ARHGAP29: variants seen among roughly 807,000 people sequenced by gnomAD.
The protein encoded by ARHGAP29 is rho GTPase-activating protein 29.
A neutral mutation model predicts 122.6 loss-of-function variants in ARHGAP29; 43 were observed. The observed-to-expected ratio is 0.35, with a 90% CI of 0.27 to 0.45. The LOEUF is 0.45. Among genes scored for constraint, ARHGAP29 ranks in the 20% least tolerant of loss-of-function variants. The pLI is 1.00. For missense variants in ARHGAP29, 1,303 were observed against 1,477.2 expected, an observed-to-expected ratio of 0.88 and a Z score of 1.93; for synonymous variants, 506 against 497.1, an observed-to-expected ratio of 1.02 and a Z score of -0.24.
At chr1:94,310,123 T>A in the ARHGAP29 span, among the ~76,000 whole-genome samples, 1 of 152,198 alleles carries the variant, frequency 6.6e-6, no homozygotes. Flanking sequence ...CCTTGCTATT[T>A]AATATCGGTA....
At chr1:94,185,278 T>C (rs1649724018) in intron 17 of ARHGAP29, 64 bp downstream of exon 17, 3 of 1,484,430 alleles carry the variant, frequency 2.0e-6, no homozygotes, top group Admixed American at 5.1e-5. Context: ...AAAGTAAAAT[T>C]AAAAACAAAA....
chr1:94,221,911 G>A (rs911951696), intron 2 of ARHGAP29, among the ~76,000 whole-genome samples: 1 of 151,286 alleles, frequency 6.6e-6, no homozygotes, highest in Admixed American at 6.6e-5. Context: ...TTCCTGGACT[G>A]GGGCAGAAAT....
intron 1 of ARHGAP29, among the ~76,000 whole-genome samples, chr1:94,233,592 G>T (rs1353969796): frequency 6.6e-6 from 1 of 152,034 alleles, no homozygotes; most frequent in African/African-American, 2.4e-5. Context: ...GCTCTACAAG[G>T]CTCAACATGA....
At chr1:94,291,179 T>G in the ARHGAP29 span, among the ~76,000 whole-genome samples, 1 of 152,256 alleles carries the variant, frequency 6.6e-6, no homozygotes, top group African/African-American at 2.4e-5. Flanking sequence ...GTAATGGCCT[T>G]CTTTGTCTCT....
intron 12 of ARHGAP29, chr1:94,192,369 A>T (rs1650178397): frequency 6.6e-6 from 1 of 152,300 alleles, no homozygotes; most frequent in Non-Finnish European, 1.5e-5. Context: ...TCCAATTCCC[A>T]AAGTACAAAC....
chr1:94,215,413 T>C (rs957434881), intron 3 of ARHGAP29, among the ~76,000 whole-genome samples: 4 of 151,782 alleles, frequency 2.6e-5, no homozygotes, highest in African/African-American at 9.7e-5. Context: ...AAGCTATCCC[T>C]ACCAGATACT....
intron 1 of ARHGAP29, among the ~76,000 whole-genome samples, chr1:94,263,231 A>G (rs560154474): frequency 1.3e-5 from 2 of 152,074 alleles, no homozygotes; most frequent in Non-Finnish European, 2.9e-5. Flanking sequence ...CAACAGACAC[A>G]GGAGCCTATT....
intron 1 of ARHGAP29, among the ~76,000 whole-genome samples, chr1:94,257,348 G>A (rs1352494999): frequency 6.6e-6 from 1 of 151,920 alleles, no homozygotes; most frequent in African/African-American, 2.4e-5. Context: ...GTTGCAGTGA[G>A]CCGAGATCAG....
chr1:94,287,736 G>A, the ARHGAP29 span, among the ~76,000 whole-genome samples: 68 of 152,056 alleles, frequency 4.5e-4, no homozygotes, highest in Non-Finnish European at 7.5e-4. Context: ...CCACTTATGC[G>A]TGAGAACATG....
chr1:94,218,434 A>G (rs950694201), intron 3 of ARHGAP29, among the ~76,000 whole-genome samples: 1 of 152,232 alleles, frequency 6.6e-6, no homozygotes, highest in Non-Finnish European at 1.5e-5. Flanking sequence ...AAGGTATCTG[A>G]GAGAGCACTC....
chr1:94,199,090 G>A (rs1030737175), intron 12 of ARHGAP29, among the ~76,000 whole-genome samples: 1 of 152,094 alleles, frequency 6.6e-6, no homozygotes, highest in Non-Finnish European at 1.5e-5. Flanking sequence ...GGGGCCTGTC[G>A]GGGGGCTGGG....
chr1:94,185,436 G>A lies in ARHGAP29; in HGVS notation c.1826C>T (p.Ala609Val). 1 of 1,612,250 alleles carries A rather than the reference G, an allele frequency of 6.2e-7. No homozygotes were observed. The highest frequency in any genetic ancestry group is 8.5e-7 in the Non-Finnish European group (1 of 1,179,296). ...GTFKKTLMSK[A>V]ALTHKFRKLR... ...TTTGCGAAACTTGTGTGTGAGAGCT[G>A]CCTTTGACATCAATGTTTTCTTAAA... Residue 609 changes from alanine to valine, a missense_variant, in exon 17 of 23, where the codon GCA becomes GTA. Around this residue, in one of 3 missense-constraint regions of ARHGAP29, gnomAD observed 91 missense variants for 177.8 expected, o/e 0.51. Transcript: ENST00000260526.
the ARHGAP29 span, among the ~76,000 whole-genome samples, chr1:94,285,831 C>T: frequency 6.9e-5 from 10 of 144,682 alleles, no homozygotes; most frequent in South Asian, 4.4e-4. Flanking sequence ...GCCAAGATTG[C>T]GCCACTATAC....
chr1:94,229,225 A>G (rs1426085153), intron 2 of ARHGAP29, among the ~76,000 whole-genome samples: 1 of 151,824 alleles, frequency 6.6e-6, no homozygotes, highest in African/African-American at 2.4e-5. Flanking sequence ...GCTCATGACT[A>G]TAGGGATACA....
At chr1:94,254,075 G>A (rs1570609827) in intron 1 of ARHGAP29, among the ~76,000 whole-genome samples, 1 of 152,316 alleles carries the variant, frequency 6.6e-6, no homozygotes, top group East Asian at 1.9e-4. Flanking sequence ...CTGACAATGT[G>A]TGGCTTAAAT....
At chr1:94,197,617 A>T (rs1006741759) in intron 12 of ARHGAP29, among the ~76,000 whole-genome samples, 1 of 152,218 alleles carries the variant, frequency 6.6e-6, no homozygotes, top group Non-Finnish European at 1.5e-5. Context: ...TCAACAAAGT[A>T]GCAAATTGAA....
intron 2 of ARHGAP29, among the ~76,000 whole-genome samples, chr1:94,229,323 T>C (rs1652796105): frequency 2.0e-5 from 3 of 151,818 alleles, no homozygotes; most frequent in African/African-American, 7.2e-5. Flanking sequence ...TGTAATACTT[T>C]TATTAAGTAA....
intron 8 of ARHGAP29, 68 bp downstream of exon 8, chr1:94,203,862 T>A: frequency 1.5e-6 from 2 of 1,364,844 alleles, no homozygotes; most frequent in Non-Finnish European, 1.0e-6. Context: ...TATTCTGATT[T>A]TGCAAATTAT....
intron 19 of ARHGAP29, 100 bp from the exon 20 acceptor site, chr1:94,180,057 AT>A: frequency 2.6e-6 from 2 of 757,444 alleles, no homozygotes; most frequent in Non-Finnish European, 4.1e-6. Flanking sequence ...GTCCCTTTAC[AT>A]TAAGAATATT....
Sources: allele counts gnomAD v4.1 joint callset (sites outside exome capture counted in the v4.1 genomes callset), GRCh38; gene constraint gnomAD v4.1.1; regional missense constraint gnomAD v4.1.1; transcripts MANE v1.5; gene names NCBI Gene and HGNC (gene_info 2026-07-23, HGNC 2026-07-21).